TEX36: variants seen among roughly 807,000 people sequenced by gnomAD.
TEX36 encodes the protein testis expressed 36.
TEX36 carries 12 observed loss-of-function variants against 13.6 expected under a neutral mutation model. The ratio of observed to expected loss-of-function variants is 0.88; its 90% CI spans 0.56 to 1.43. The LOEUF is 1.43. Ranked by LOEUF, TEX36 falls within the 40% of genes most tolerant of loss-of-function variation. The pLI is 0.00. For synonymous variants in TEX36, 93 were observed against 83.0 expected, an observed-to-expected ratio of 1.12 and a Z score of -0.65; for missense variants, 224 against 228.3, an observed-to-expected ratio of 0.98 and a Z score of 0.12.
intron 3 of TEX36, among the ~76,000 whole-genome samples, chr10:125,586,084 GAC>G (rs1006872861): frequency 6.6e-6 from 1 of 152,210 alleles, no homozygotes; most frequent in African/African-American, 2.4e-5. Context: ...GAGCTCAAAT[GAC>G]AGTGAGACAG....
At chr10:125,664,493 C>T (rs35144637) in intron 1 of TEX36, among the ~76,000 whole-genome samples, 1 of 152,140 alleles carries the variant, frequency 6.6e-6, no homozygotes, top group Non-Finnish European at 1.5e-5. Flanking sequence ...TTAGAATCCC[C>T]AAATGTCAGA....
chr10:125,665,545 C>G (rs72631147), intron 1 of TEX36, among the ~76,000 whole-genome samples: 8,901 of 152,040 alleles, frequency 0.059, 857 homozygotes, highest in African/African-American at 0.2. Flanking sequence ...TGTCAAAGAT[C>G]AGTTTTCTGG....
chr10:125,672,807 T>C (rs1847253966), intron 1 of TEX36, among the ~76,000 whole-genome samples: 1 of 152,210 alleles, frequency 6.6e-6, no homozygotes, highest in Non-Finnish European at 1.5e-5. Flanking sequence ...ATCTGAGTGC[T>C]CCTATATTGG....
intron 3 of TEX36, among the ~76,000 whole-genome samples, chr10:125,631,037 A>C (rs1565178901): frequency 6.6e-6 from 1 of 151,900 alleles, no homozygotes; most frequent in Non-Finnish European, 1.5e-5. Flanking sequence ...AAGTCCCATC[A>C]AGGACTTCTG....
At chr10:125,656,523 G>C (rs1409041260) in intron 3 of TEX36, among the ~76,000 whole-genome samples, 1 of 151,986 alleles carries the variant, frequency 6.6e-6, no homozygotes, top group Non-Finnish European at 1.5e-5. Flanking sequence ...CTCCCAAAGC[G>C]CTAGGATTAC....
intron 3 of TEX36, among the ~76,000 whole-genome samples, chr10:125,610,169 C>T (rs2133550507): frequency 6.6e-6 from 1 of 152,354 alleles, no homozygotes. Context: ...ATAATCCACC[C>T]CTCATTTAGC....
At chr10:125,630,330 GC>G (rs1846536762) in intron 3 of TEX36, among the ~76,000 whole-genome samples, 1 of 152,180 alleles carries the variant, frequency 6.6e-6, no homozygotes, top group Non-Finnish European at 1.5e-5. Flanking sequence ...AAGTCTGGGG[GC>G]TGGATACACT....
chr10:125,636,392 T>A (rs1476744357), intron 3 of TEX36, among the ~76,000 whole-genome samples: 5 of 147,998 alleles, frequency 3.4e-5, no homozygotes, highest in Admixed American at 3.3e-4. Context: ...TTTTATATAT[T>A]TTTAGTAGAG....
downstream of TEX36, among the ~76,000 whole-genome samples, chr10:125,653,646 A>G (rs1846899836): frequency 1.3e-5 from 2 of 152,090 alleles, no homozygotes; most frequent in Admixed American, 1.3e-4. Flanking sequence ...TAATAATAAT[A>G]AAAATTTTTA....
intron 1 of TEX36, chr10:125,667,181 G>GCCAA: frequency 1.5e-6 from 1 of 655,646 alleles, no homozygotes; most frequent in South Asian, 1.4e-5. Flanking sequence ...GTGCGGTGCA[G>GCCAA]CGTTGTGACA....
At position 125,659,366 on chromosome 10, in the gene TEX36, G is replaced by A. The variant is rs1463485090; in HGVS notation, c.264+1655C>T. 2.6e-5 allele frequency among the ~76,000 whole-genome samples: 4 copies of A among 152,264 alleles called. No individual in the cohort carries two copies. In the East Asian group the frequency reaches 7.7e-4, roughly 29 times the overall value. On this transcript the variant is annotated intron_variant, in intron 3 of 3. Coordinates refer to ENST00000368821, the MANE Select transcript of TEX36 (RefSeq NM_001128202.3). ...CATTTATGTGTGTACATCTGCATGTGAATTGGAAAAACTCTCAAATTTTAC... is the reference window on the plus strand; with the variant it reads ...CATTTATGTGTGTACATCTGCATGTAAATTGGAAAAACTCTCAAATTTTAC...
downstream of TEX36, among the ~76,000 whole-genome samples, chr10:125,652,281 A>T (rs1846873377): frequency 6.6e-6 from 1 of 152,236 alleles, no homozygotes; most frequent in African/African-American, 2.4e-5. Context: ...ACTGGTACCA[A>T]AACAGAGATA....
intron 1 of TEX36, chr10:125,666,939 G>T: frequency 3.0e-6 from 2 of 677,538 alleles, no homozygotes; most frequent in Non-Finnish European, 4.9e-6. Context: ...ACTGCTTGGG[G>T]TGTACTTTCC....
chr10:125,652,233 AC>A (rs1373822062), downstream of TEX36, among the ~76,000 whole-genome samples: 2 of 152,206 alleles, frequency 1.3e-5, no homozygotes, highest in Non-Finnish European at 2.9e-5. Flanking sequence ...ATGCTACCTA[AC>A]TTTGAACTAT....
chr10:125,669,774 G>GT (rs1847192585), intron 1 of TEX36, among the ~76,000 whole-genome samples: 1 of 152,144 alleles, frequency 6.6e-6, no homozygotes, highest in Non-Finnish European at 1.5e-5. Context: ...ACAGGCCCCA[G>GT]TGTGTGTTGT....
At chr10:125,670,827 A>G (rs936939488) in intron 1 of TEX36, among the ~76,000 whole-genome samples, 3 of 151,998 alleles carry the variant, frequency 2.0e-5, no homozygotes, top group African/African-American at 7.2e-5. Flanking sequence ...TCCCAGCACC[A>G]TTTATTAAAT....
At chr10:125,621,957 G>A (rs1257668069) in intron 3 of TEX36, among the ~76,000 whole-genome samples, 1 of 152,146 alleles carries the variant, frequency 6.6e-6, no homozygotes, top group Non-Finnish European at 1.5e-5. Flanking sequence ...CCCACATTGA[G>A]GGCGGGTCTT....
At chr10:125,663,287 A>T (rs1297565528) in intron 1 of TEX36, among the ~76,000 whole-genome samples, 1 of 152,228 alleles carries the variant, frequency 6.6e-6, no homozygotes, top group Non-Finnish European at 1.5e-5. Context: ...TCACATTTTC[A>T]TTCTCCATTC....
chr10:125,657,395 G>A (rs1046753730), intron 3 of TEX36, among the ~76,000 whole-genome samples: 3 of 152,178 alleles, frequency 2.0e-5, no homozygotes, highest in African/African-American at 7.2e-5. Context: ...ACCAGAGTAG[G>A]GAGAAGAGGA....
Sources: gnomAD v4.1 joint callset for allele counts (sites outside exome capture counted in the v4.1 genomes callset) on GRCh38, gnomAD v4.1.1 for gene constraint, MANE v1.5 for transcripts, NCBI Gene and HGNC (gene_info 2026-07-23, HGNC 2026-07-21) for gene names.